The following IGSF23 variants were observed in gnomAD, a reference collection of about 807,000 sequenced individuals.
IGSF23 encodes immunoglobulin superfamily, member 23.
A neutral mutation model predicts 17.8 loss-of-function variants in IGSF23; 14 were observed. The ratio of observed to expected loss-of-function variants is 0.79; its 90% CI spans 0.52 to 1.23. The LOEUF is 1.23. Ranked by LOEUF, IGSF23 falls within the 50% of genes most tolerant of loss-of-function variation. IGSF23 has a pLI of 0.00. For synonymous variants in IGSF23, 85 were observed against 92.5 expected, an observed-to-expected ratio of 0.92 and a Z score of 0.46; for missense variants, 214 against 241.7, an observed-to-expected ratio of 0.89 and a Z score of 0.76.
chr19:44,627,543 G>A lies in IGSF23; in HGVS notation c.515G>A (p.Gly172Asp), dbSNP rs1358612845. The A allele has an allele frequency of 2.6e-6, 4 of 1,550,508 alleles. No individual in the cohort carries two copies. Among genetic ancestry groups the A allele is most frequent in the Non-Finnish European group, 3.5e-6 (4 of 1,146,952 alleles). ...GILGAGALIA[G>D]MCFIIIQSLR... The stretch of plus-strand genomic sequence containing the variant: ...CTGGGAGCCGGGGCACTGATTGCAG[G>A]CATGTGTTTCATCATCATCCAGAGC... The change falls in exon 3 of 5, where the codon GGC becomes GAC. Residue 172 changes from glycine (G) to aspartate (D), a missense_variant. Coordinates refer to ENST00000402988, the MANE Select transcript of IGSF23 (RefSeq NM_001205280.2).
intron 3 of IGSF23, among the ~76,000 whole-genome samples, chr19:44,629,631 T>G (rs965531998): frequency 2.4e-5 from 3 of 127,052 alleles, no homozygotes; most frequent in Non-Finnish European, 5.1e-5. Flanking sequence ...TTATATGCTT[T>G]CTTTTTTTTT....
intron 1 of IGSF23, among the ~76,000 whole-genome samples, chr19:44,617,038 A>G (rs1972396961): frequency 1.3e-5 from 2 of 151,890 alleles, no homozygotes; most frequent in African/African-American, 4.8e-5. Flanking sequence ...AGCTGGGACT[A>G]CAGGCGCGTG....
Position 44,624,899 on chromosome 19 carries a change from CAAAAA to C in IGSF23, c.391+946_391+950del, listed in dbSNP as rs71171273. The stretch of plus-strand genomic sequence containing the variant: ...CAACATAGTGAGACCCTGTCTCTAC[CAAAAA>C]AAAAAAAAAAAAAAAAAACTAAAAA... On this transcript the variant is annotated intron_variant, in intron 2 of 4. Coordinates refer to ENST00000402988, the MANE Select transcript of IGSF23 (RefSeq NM_001205280.2). Among the ~76,000 whole-genome samples the C allele has an allele frequency of 3.6e-4, 32 of 87,750 alleles. 1 individual carries two copies. Among genetic ancestry groups the C allele is most frequent in the African/African-American group, 1.8e-3 (32 of 17,630 alleles). 57.6% of individuals were successfully genotyped at this position (87,750 alleles called of 152,430 possible). A position where few individuals can be genotyped will look rare whatever the true frequency, so the allele number is the denominator to read the frequency against.
At chr19:44,620,384 T>TGTGTGA (rs367864064) in intron 1 of IGSF23, among the ~76,000 whole-genome samples, 101 of 143,066 alleles carry the variant, frequency 7.1e-4, no homozygotes, top group Non-Finnish European at 1.1e-3. Context: ...TGTGTGTGTG[T>TGTGTGA]GAGATGGAGC....
chr19:44,635,420 G>T lies in IGSF23; in HGVS notation c.565G>T (p.Gly189Ter). The T allele has an allele frequency of 6.5e-7, 1 of 1,548,580 alleles. No individual in the cohort carries two copies. The highest frequency in any genetic ancestry group is 8.7e-7 in the Non-Finnish European group (1 of 1,146,150). Residue 189 changes from glycine (G) to a stop codon, truncating the protein, a stop_gained, in exon 4 of 5, where the codon GGA becomes TGA. Transcript: ENST00000402988. LOFTEE classifies it high-confidence loss of function. ...QSLRTDRQRI[G>*]ICS The stretch of plus-strand genomic sequence containing the variant: ...CTGCAGGACTGACAGGCAGAGAATA[G>T]GAATATGCAGCTGAAATGTGGGCAA...
chr19:44,630,401 C>T (rs1460104279), intron 3 of IGSF23, among the ~76,000 whole-genome samples: 2 of 152,210 alleles, frequency 1.3e-5, no homozygotes, highest in Non-Finnish European at 2.9e-5. Flanking sequence ...GTGAGTAGAG[C>T]TAACGCTCAG....
chr19:44,625,422 T>C lies in IGSF23; in HGVS notation c.391+1450T>C, dbSNP rs867591079. On this transcript the variant is annotated intron_variant, in intron 2 of 4. Coordinates refer to ENST00000402988, the MANE Select transcript of IGSF23 (RefSeq NM_001205280.2). ...AGGTGGCAATCAAAATGACAGCAAG[T>C]TGTTGAGATCAGAGAAGTGGTTTGG... Among the ~76,000 whole-genome samples, 3 of 152,152 alleles carry C rather than the reference T, an allele frequency of 2.0e-5. No homozygotes were observed. In the South Asian group the frequency reaches 6.2e-4, roughly 32 times the overall value.
intron 1 of IGSF23, among the ~76,000 whole-genome samples, chr19:44,619,123 C>T (rs560635255): frequency 4.8e-4 from 73 of 152,080 alleles, no homozygotes; most frequent in African/African-American, 1.7e-3. Flanking sequence ...CAGGTGTCTC[C>T]CGTGAGAACA....
intron 1 of IGSF23, among the ~76,000 whole-genome samples, chr19:44,617,681 G>C (rs1251627069): frequency 6.6e-6 from 1 of 152,158 alleles, no homozygotes; most frequent in Non-Finnish European, 1.5e-5. Flanking sequence ...AAATAAGGTG[G>C]TGAGAAAATG....
intron 1 of IGSF23, among the ~76,000 whole-genome samples, chr19:44,615,632 A>C (rs1568483089): frequency 6.6e-6 from 1 of 150,950 alleles, no homozygotes; most frequent in Non-Finnish European, 1.5e-5. Flanking sequence ...TTTAAAAAAA[A>C]AAAAAAAAAG....
Position 44,613,760 on chromosome 19 carries a change from G to T in IGSF23, c.115G>T (p.Ala39Ser). 1 of 1,550,474 alleles carries T rather than the reference G, an allele frequency of 6.4e-7. No homozygotes were observed. Among genetic ancestry groups the T allele is most frequent in the Non-Finnish European group, 8.7e-7 (1 of 1,146,922 alleles). The stretch of plus-strand genomic sequence containing the variant: ...GGATGCGGCTGGAGGTGACTTCCCA[G>T]CCAACTTGGTGTAAGTCATGTGGGG... ...EKDAAGGDFP[A>S]NLVLQLMPLK... Residue 39 changes from alanine to serine, a missense_variant, in exon 1 of 5, where the codon GCC becomes TCC. Coordinates refer to ENST00000402988, the MANE Select transcript of IGSF23 (RefSeq NM_001205280.2).
intron 2 of IGSF23, among the ~76,000 whole-genome samples, chr19:44,627,040 G>T (rs1238663898): frequency 6.6e-6 from 1 of 152,170 alleles, no homozygotes; most frequent in Admixed American, 6.5e-5. Context: ...TTGGAAAATT[G>T]AGTGGAGTCC....
chr19:44,634,691 T>TG (rs556154036), intron 3 of IGSF23, among the ~76,000 whole-genome samples: 72 of 152,040 alleles, frequency 4.7e-4, no homozygotes, highest in African/African-American at 1.7e-3. Context: ...GGCCAGATTT[T>TG]GGGGGGCATG....
At chr19:44,614,558 G>A (rs1183467973) in intron 1 of IGSF23, among the ~76,000 whole-genome samples, 2 of 152,030 alleles carry the variant, frequency 1.3e-5, no homozygotes, top group Non-Finnish European at 2.9e-5. Flanking sequence ...TCAGCGTCCT[G>A]CGTAGCTGGG....
At chr19:44,626,920 C>CA (rs35293009) in intron 2 of IGSF23, among the ~76,000 whole-genome samples, 46,375 of 103,554 alleles carry the variant, frequency 0.45, 8,101 homozygotes, top group Middle Eastern at 0.52. Context: ...GACTCTGTCT[C>CA]AAAAAAAAAA....
chr19:44,628,310 T>G (rs556464414), intron 3 of IGSF23, among the ~76,000 whole-genome samples: 1 of 152,260 alleles, frequency 6.6e-6, no homozygotes, highest in African/African-American at 2.4e-5. Context: ...GTTCGTCCTC[T>G]CTACACATAT....
rs558835736 is a variant in IGSF23, at chr19:44,629,569, T to TA, written c.545+2003dup. ...AGAGCAAGACCCTATTTCTAAAAAT[T>TA]AAAAAAATAATGTTTTTAAAAAACT... On this transcript the variant is annotated intron_variant, in intron 3 of 4. Transcript: ENST00000402988. 3.8e-4 allele frequency among the ~76,000 whole-genome samples: 57 copies of TA among 149,952 alleles called. No homozygotes were observed. In the South Asian group the frequency reaches 0.012, roughly 31 times the overall value.
chr19:44,631,117 A>T (rs1335909650), intron 3 of IGSF23, among the ~76,000 whole-genome samples: 2 of 151,338 alleles, frequency 1.3e-5, no homozygotes, highest in Admixed American at 1.3e-4. Context: ...GAAAAGAAAA[A>T]TTCACTGGGC....
At chr19:44,615,554 C>T (rs1444589921) in intron 1 of IGSF23, among the ~76,000 whole-genome samples, 1 of 150,562 alleles carries the variant, frequency 6.6e-6, no homozygotes, top group Non-Finnish European at 1.5e-5. Flanking sequence ...ACCCAGGAGG[C>T]GGAGGTTGCG....
Sources: allele counts gnomAD v4.1 joint callset (sites outside exome capture counted in the v4.1 genomes callset), GRCh38; gene constraint gnomAD v4.1.1; transcripts MANE v1.5; gene names NCBI Gene and HGNC (gene_info 2026-07-23, HGNC 2026-07-21).